ADAMDEC1: variants seen among roughly 807,000 people sequenced by gnomAD.
ADAMDEC1 encodes the protein ADAM DEC1.
A neutral mutation model predicts 60.4 loss-of-function variants in ADAMDEC1; 62 were observed. The observed-to-expected ratio is 1.03, with a 90% CI of 0.84 to 1.27. The LOEUF (loss-of-function observed/expected upper bound fraction) is 1.27. Among genes scored for constraint, ADAMDEC1 ranks in the 50% most tolerant of loss-of-function variants. The pLI is 0.00. For synonymous variants in ADAMDEC1, 210 were observed against 195.1 expected (o/e 1.08, Z -0.64); for missense variants, 595 against 565.0 (o/e 1.05, Z -0.54).
chr8:24,396,378 G>A (rs761394649), intron 5 of ADAMDEC1, among the ~76,000 whole-genome samples: 20 of 152,152 alleles, frequency 1.3e-4, no homozygotes, highest in East Asian at 1.9e-4. Context: ...CGAGTGTGGT[G>A]GCTGGCGCCT....
intron 3 of ADAMDEC1, 90 bp downstream of exon 3, chr8:24,393,428 C>A: frequency 2.4e-6 from 2 of 841,146 alleles, no homozygotes; most frequent in Non-Finnish European, 3.7e-6. Context: ...TGTGGTTTGA[C>A]ATAGAAGACA....
In ADAMDEC1 at chr8:24,405,502, CTTTT is replaced by C; in HGVS notation, c.*211_*214del. The C allele has an allele frequency of 4.4e-6, 2 of 455,280 alleles. No individual in the cohort carries two copies. Among genetic ancestry groups the C allele is most frequent in the Middle Eastern group, 6.3e-4 (2 of 3,178 alleles). 28.2% of individuals were successfully genotyped at this position (455,280 alleles called of 1,614,324 possible). On this transcript the variant is annotated 3_prime_UTR_variant, in exon 14 of 14. Coordinates refer to ENST00000256412, the MANE Select transcript of ADAMDEC1 (RefSeq NM_014479.3). ...TGTTTAGGCCTAATCTTTCTTTTTA[CTTTT>C]TTTTTTCTTTTTTCTTTTTTTTTAA...
chr8:24,386,164 A>G (rs1267590169), intron 1 of ADAMDEC1, among the ~76,000 whole-genome samples: 4 of 152,158 alleles, frequency 2.6e-5, no homozygotes, highest in Admixed American at 2.6e-4. Flanking sequence ...CTATTACTTT[A>G]GATAACCCAA....
rs375711922 is a variant in ADAMDEC1 at position 24,392,399 on chromosome 8, C to T, written c.207+19C>T. On this transcript the variant is annotated intron_variant, in intron 2 of 13. Coordinates refer to ENST00000256412, the MANE Select transcript of ADAMDEC1 (RefSeq NM_014479.3). ...CAAAGAGGTAAGCAAGGTGAATGAC[C>T]GTGGTAGATGTTACAATCATCCAAA... is the stretch of plus-strand genomic sequence containing the variant. The T allele has an allele frequency of 4.4e-5, 68 of 1,537,198 alleles. No homozygotes were observed. In the Middle Eastern group the frequency reaches 1.2e-3, roughly 27 times the overall value.
At chr8:24,388,491 CCTCT>C (rs899190609) in intron 1 of ADAMDEC1, among the ~76,000 whole-genome samples, 83 of 152,200 alleles carry the variant, frequency 5.5e-4, no homozygotes, top group African/African-American at 1.9e-3. Context: ...TCTCTGCCTT[CCTCT>C]CTCTTTCCTT....
chr8:24,400,384 A>C, intron 11 of ADAMDEC1, 84 bp downstream of exon 11: 3 of 1,366,426 alleles, frequency 2.2e-6, no homozygotes, highest in Non-Finnish European at 2.9e-6. Context: ...TCTATTGTTT[A>C]ATTAAATATT....
Position 24,405,380 on chromosome 8 carries a change from T to A in ADAMDEC1, c.*82T>A, listed in dbSNP as rs536993385. On this transcript the variant is annotated 3_prime_UTR_variant, in exon 14 of 14. Transcript: ENST00000256412. ...TAACTGTCCCAGGAATCTTGTGAAT[T>A]TTCACCCATAATGGTCTTTCACTTG... is the stretch of plus-strand genomic sequence containing the variant. 25 of 1,506,898 alleles carry A rather than the reference T, an allele frequency of 1.7e-5. No homozygotes were observed. Among genetic ancestry groups the A allele is most frequent in the Non-Finnish European group, 2.1e-5 (23 of 1,090,436 alleles). 93.3% of individuals were successfully genotyped at this position (1,506,898 alleles called of 1,614,324 possible).
rs370009196 is a variant in ADAMDEC1 at position 24,393,350 on chromosome 8, C to G, written c.284+12C>G. 2 of 1,543,174 alleles carry G rather than the reference C, an allele frequency of 1.3e-6. No homozygotes were observed. The highest frequency in any genetic ancestry group is 8.9e-7 in the Non-Finnish European group (1 of 1,124,782). On this transcript the variant is annotated intron_variant, in intron 3 of 13. Coordinates refer to ENST00000256412, the MANE Select transcript of ADAMDEC1 (RefSeq NM_014479.3). ...CTACAAAAAACCAAGTAAGTTGTAC[C>G]TCCTAAAAGTCTAATCACTGGATTA...
chr8:24,392,451 C>A, intron 2 of ADAMDEC1, 71 bp downstream of exon 2: 2 of 1,122,828 alleles, frequency 1.8e-6, no homozygotes, highest in Non-Finnish European at 2.6e-6. Context: ...TTTTCACTAA[C>A]AGAAGTGATG....
intron 13 of ADAMDEC1, among the ~76,000 whole-genome samples, chr8:24,405,082 T>C (rs1324092020): frequency 2.0e-5 from 3 of 152,204 alleles, no homozygotes; most frequent in Non-Finnish European, 2.9e-5. Context: ...AAAATTCTAG[T>C]CTTTTCTGTC....
Position 24,389,619 on chromosome 8 carries a change from C to T in ADAMDEC1, c.89-2643C>T, listed in dbSNP as rs148081024. On this transcript the variant is annotated intron_variant, in intron 1 of 13. Coordinates refer to ENST00000256412, the MANE Select transcript of ADAMDEC1 (RefSeq NM_014479.3). The stretch of plus-strand genomic sequence containing the variant: ...GAACTCTCCAGTGGCCCCCATTTCA[C>T]ACAGAGTAAAAGCCAAATTTTCTAT... Among the ~76,000 whole-genome samples, 403 of 152,298 alleles carry T rather than the reference C, an allele frequency of 2.6e-3. 1 individual carries two copies. Among genetic ancestry groups the T allele is most frequent in the African/African-American group, 9.1e-3 (378 of 41,568 alleles).
At chr8:24,395,652 TTACACACACACTCACA>T in intron 4 of ADAMDEC1, 52 bp from the exon 5 acceptor site, 4 of 1,034,944 alleles carry the variant, frequency 3.9e-6, no homozygotes, top group Non-Finnish European at 5.9e-6. Context: ...AGTTTATACA[TTACACACACACTCACA>T]TACACACACA....
chr8:24,384,293 GTCC>G lies in ADAMDEC1; in HGVS notation c.-209_-207del. 1 of 529,176 alleles carries G rather than the reference GTCC, an allele frequency of 1.9e-6. No individual in the cohort carries two copies. Among genetic ancestry groups the G allele is most frequent in the Non-Finnish European group, 3.3e-6 (1 of 299,942 alleles). 32.8% of individuals were successfully genotyped at this position (529,176 alleles called of 1,614,324 possible). On this transcript the variant is annotated 5_prime_UTR_variant, in exon 1 of 14. Coordinates refer to ENST00000256412, the MANE Select transcript of ADAMDEC1 (RefSeq NM_014479.3). ...AGGGGCAAACAGTGTCCAGATGTGA[GTCC>G]TCAATGAGCTATAACCACAGCCATA...
In ADAMDEC1 at chr8:24,399,662, C is replaced by A. The variant is rs902107123; in HGVS notation, c.1011+188C>A. Among the ~76,000 whole-genome samples, 155 of 152,262 alleles carry A rather than the reference C, an allele frequency of 1.0e-3. 1 individual carries two copies. Among genetic ancestry groups the A allele is most frequent in the African/African-American group, 3.7e-3 (153 of 41,542 alleles). On this transcript the variant is annotated intron_variant, in intron 10 of 13. Coordinates refer to ENST00000256412, the MANE Select transcript of ADAMDEC1 (RefSeq NM_014479.3). The stretch of plus-strand genomic sequence containing the variant: ...GCGACAGAACATTTCCTTACATCAG[C>A]CTTGCTAGAACGTGCCATATCATTC...
chr8:24,399,177 T>TGTG, intron 9 of ADAMDEC1, 137 bp downstream of exon 9: 1 of 1,071,688 alleles, frequency 9.3e-7, no homozygotes, highest in Non-Finnish European at 1.3e-6. Flanking sequence ...GCAATTCACC[T>TGTG]GTGACATTAT....
At chr8:24,399,138 C>T (rs2129361385) in intron 9 of ADAMDEC1, 98 bp downstream of exon 9, 2 of 1,355,240 alleles carry the variant, frequency 1.5e-6, no homozygotes, top group South Asian at 2.9e-5. Flanking sequence ...CCCTGATCAA[C>T]TGTCAGAGTG....
At chr8:24,400,921 T>C (rs1462038511) in intron 11 of ADAMDEC1, among the ~76,000 whole-genome samples, 2 of 151,588 alleles carry the variant, frequency 1.3e-5, no homozygotes, top group African/African-American at 2.4e-5. Context: ...TTTGCTCAGA[T>C]TGATGGTTTC....
chr8:24,391,868 G>C lies in ADAMDEC1; in HGVS notation c.89-394G>C, dbSNP rs913946481. ...GAAAAAGTCTTGGAGGGCATAGAGA[G>C]AAAAATTCACAATTTTTAAGAAGAC... On this transcript the variant is annotated intron_variant, in intron 1 of 13. Transcript: ENST00000256412. Among the ~76,000 whole-genome samples, 3 of 152,074 alleles carry C rather than the reference G, an allele frequency of 2.0e-5. No individual in the cohort carries two copies. In the South Asian group the frequency reaches 6.2e-4, roughly 31 times the overall value.
At chr8:24,398,271 T>C (rs1817667687) in intron 7 of ADAMDEC1, among the ~76,000 whole-genome samples, 1 of 152,052 alleles carries the variant, frequency 6.6e-6, no homozygotes, top group South Asian at 2.1e-4. Flanking sequence ...CACTAAAATT[T>C]TACATGAATG....
Sources: gnomAD v4.1 joint callset for allele counts (sites outside exome capture counted in the v4.1 genomes callset) on GRCh38, gnomAD v4.1.1 for gene constraint, MANE v1.5 for transcripts, NCBI Gene and HGNC (gene_info 2026-07-23, HGNC 2026-07-21) for gene names.